ESRRB: variants seen among roughly 807,000 people sequenced by gnomAD.
ESRRB encodes estrogen related receptor beta.
A neutral mutation model predicts 46.0 loss-of-function variants in ESRRB; 16 were observed. The observed-to-expected ratio is 0.35, with a 90% CI of 0.24 to 0.53. ESRRB has a LOEUF of 0.53. ESRRB is among the 20% of genes least tolerant of loss of function. The pLI is 0.93. For missense variants in ESRRB, 488 were observed against 607.4 expected (o/e 0.80, Z 2.07); for synonymous variants, 246 against 259.6 (o/e 0.95, Z 0.50).
chr14:76,500,394 T>G lies in ESRRB; in HGVS notation c.*1936T>G. The G allele has an allele frequency of 1.7e-6, 1 of 586,574 alleles. No homozygotes were observed. Among genetic ancestry groups the G allele is most frequent in the East Asian group, 2.8e-5 (1 of 35,552 alleles). 36.3% of individuals were successfully genotyped at this position (586,574 alleles called of 1,614,324 possible). Reference sequence around the variant, plus strand: ...CCCTAGCCCTCCATGCAGCCCATCTTCCCTCATTTGGGTGGAGGCACACAT... The same window carrying G: ...CCCTAGCCCTCCATGCAGCCCATCTGCCCTCATTTGGGTGGAGGCACACAT... On this transcript the variant is annotated 3_prime_UTR_variant, in exon 7 of 7. Transcript: ENST00000644823.
At chr14:76,395,412 G>A (rs979681738) in intron 1 of ESRRB, among the ~76,000 whole-genome samples, 61 of 152,254 alleles carry the variant, frequency 4.0e-4, no homozygotes, top group African/African-American at 1.4e-3. Context: ...GAGTCCCTCC[G>A]GACTCACGGC....
intron 2 of ESRRB, among the ~76,000 whole-genome samples, chr14:76,453,334 G>T (rs545178273): frequency 6.6e-6 from 1 of 152,270 alleles, no homozygotes; most frequent in African/African-American, 2.4e-5. Flanking sequence ...GCCGTTCCCT[G>T]GTTGTCACTG....
rs184833613 is a variant in ESRRB, at chr14:76,482,385, G to A, written c.689-213G>A. On this transcript the variant is annotated intron_variant, in intron 4 of 6. Coordinates refer to ENST00000644823, the MANE Select transcript of ESRRB (RefSeq NM_001379180.1). This position sits in a 1 kb window ranked among gnomAD's most constrained non-coding sequence, Gnocchi z 4.3. ...TCTGCAGGTTCCTCCTGGAGAATTC[G>A]TCAGGCAACTTCCCTTGGAGGGATA... is the stretch of plus-strand genomic sequence containing the variant. Among the ~76,000 whole-genome samples, 6 of 152,256 alleles carry A rather than the reference G, an allele frequency of 3.9e-5. No individual in the cohort carries two copies. The South Asian group carries it at 8.3e-4, about 21-fold the overall frequency.
At chr14:76,431,648 G>C (rs1887451248) in intron 1 of ESRRB, among the ~76,000 whole-genome samples, 1 of 152,184 alleles carries the variant, frequency 6.6e-6, no homozygotes, top group African/African-American at 2.4e-5. Flanking sequence ...GGCCAGGGCA[G>C]CGCTTGCTAA....
intron 1 of ESRRB, among the ~76,000 whole-genome samples, chr14:76,433,234 G>A (rs1887530822): frequency 6.6e-6 from 1 of 152,284 alleles, no homozygotes; most frequent in Non-Finnish European, 1.5e-5. Flanking sequence ...GAAGATTGAA[G>A]TACAGTTTGC....
chr14:76,420,558 A>AGTGTGTGTGTGAGTGT (rs549231888), intron 1 of ESRRB, among the ~76,000 whole-genome samples: 1,867 of 142,416 alleles, frequency 0.013, 13 homozygotes, highest in South Asian at 0.033. Context: ...ACAGGGTGTG[A>AGTGTGTGTGTGAGTGT]GTGTGTGTGT....
chr14:76,493,647 TG>T (rs1301320247), intron 6 of ESRRB, among the ~76,000 whole-genome samples: 1 of 152,208 alleles, frequency 6.6e-6, no homozygotes, highest in African/African-American at 2.4e-5. Context: ...GGTAACCAAC[TG>T]GTTTGCTCAA....
At position 76,498,295 on chromosome 14, in the gene ESRRB, G is replaced by A; in HGVS notation, c.1202G>A (p.Ser401Asn). The change falls in exon 7 of 7, where the codon AGC (serine) becomes AAC (asparagine). Residue 401 changes from serine (S) to asparagine (N), a missense_variant. Ser to Asn is a conservative substitution (Grantham distance 46, BLOSUM62 1). Coordinates refer to ENST00000644823, the MANE Select transcript of ESRRB (RefSeq NM_001379180.1). ...GAGGCACTGCAGGACTACGAGCTGA[G>A]CCAGCGCCATGAGGAGCCCTGGAGG... is the stretch of plus-strand genomic sequence containing the variant. ...LHEALQDYEL[S>N]QRHEEPWRTG... is the part of the protein sequence containing the mutation. 1 of 1,613,530 alleles carries A rather than the reference G, an allele frequency of 6.2e-7. No homozygotes were observed. The highest frequency in any genetic ancestry group is 8.5e-7 in the Non-Finnish European group (1 of 1,179,944).
chr14:76,349,133 G>A (rs1239605892), intron 1 of ESRRB, among the ~76,000 whole-genome samples: 1 of 152,208 alleles, frequency 6.6e-6, no homozygotes, highest in Admixed American at 6.5e-5. Flanking sequence ...GCCAATGAGT[G>A]AGTCAGCGCA....
At chr14:76,462,773 G>A (rs1247370936) in intron 3 of ESRRB, 112 bp downstream of exon 3, 1 of 850,690 alleles carries the variant, frequency 1.2e-6, no homozygotes, top group Admixed American at 1.7e-5. Flanking sequence ...GTGAGACCCA[G>A]TCTGAGCGCC....
chr14:76,417,848 G>A (rs1359374793), intron 1 of ESRRB, among the ~76,000 whole-genome samples: 1 of 152,126 alleles, frequency 6.6e-6, no homozygotes, highest in African/African-American at 2.4e-5. Flanking sequence ...AGGAGCCACT[G>A]GAGAAGCAGG....
chr14:76,359,467 CTCAT>C (rs1191407951), intron 1 of ESRRB, among the ~76,000 whole-genome samples: 3 of 152,202 alleles, frequency 2.0e-5, no homozygotes, highest in African/African-American at 7.2e-5. Context: ...TCTGCCTTGT[CTCAT>C]TTCATTCGCA....
At chr14:76,460,640 G>A (rs1187569048) in intron 2 of ESRRB, among the ~76,000 whole-genome samples, 2 of 152,172 alleles carry the variant, frequency 1.3e-5, no homozygotes, top group Non-Finnish European at 1.5e-5. Flanking sequence ...CTTTGGGACA[G>A]GAGTCGAAGA....
chr14:76,386,391 T>C (rs1885228506), intron 1 of ESRRB, among the ~76,000 whole-genome samples: 2 of 152,098 alleles, frequency 1.3e-5, no homozygotes, highest in Non-Finnish European at 2.9e-5. Context: ...AGAAACACAT[T>C]GCTCTTATTT....
At chr14:76,375,112 G>C (rs2361330), upstream of ESRRB, among the ~76,000 whole-genome samples, 86,462 of 151,662 alleles carry the variant, frequency 0.57, 24,978 homozygotes, top group Admixed American at 0.69. Context: ...AGGTGGTGGT[G>C]TCTCCTGAGG....
In ESRRB at chr14:76,433,092, C is replaced by T. The variant is rs111673193; in HGVS notation, c.51-6249C>T. On this transcript the variant is annotated intron_variant, in intron 1 of 6. Transcript: ENST00000644823. ...ACACCCTTAAGAATCACAGCTGCACCACCAAAACCAAACCAAACCTCCCTG... is the reference window on the plus strand; with the variant it reads ...ACACCCTTAAGAATCACAGCTGCACTACCAAAACCAAACCAAACCTCCCTG... Among the ~76,000 whole-genome samples the T allele has an allele frequency of 3.7e-3, 564 of 152,200 alleles. 2 individuals carry two copies. Among genetic ancestry groups the T allele is most frequent in the African/African-American group, 0.013 (522 of 41,536 alleles).
intron 1 of ESRRB, among the ~76,000 whole-genome samples, chr14:76,396,690 C>A (rs1369301273): frequency 1.3e-5 from 2 of 152,242 alleles, no homozygotes; most frequent in African/African-American, 4.8e-5. Context: ...CTCCCCTGGT[C>A]CCCTGCAGTG....
chr14:76,464,727 G>A (rs936052961), intron 3 of ESRRB, among the ~76,000 whole-genome samples: 3 of 152,144 alleles, frequency 2.0e-5, no homozygotes, highest in East Asian at 1.9e-4. Context: ...TATAATTTTG[G>A]TCTTGCTCCT....
At chr14:76,486,802 G>A (rs939307500) in intron 5 of ESRRB, among the ~76,000 whole-genome samples, 1 of 152,104 alleles carries the variant, frequency 6.6e-6, no homozygotes, top group Non-Finnish European at 1.5e-5. Context: ...CACTCCCAGG[G>A]GCACGGGGCA....
Sources: allele counts gnomAD v4.1 joint callset (sites outside exome capture counted in the v4.1 genomes callset), GRCh38; gene constraint gnomAD v4.1.1; non-coding constraint Gnocchi (gnomAD v3.1); transcripts MANE v1.5; gene names NCBI Gene and HGNC (gene_info 2026-07-23, HGNC 2026-07-21).